The following SSH2 variants were observed in gnomAD, a reference collection of about 807,000 sequenced individuals.
SSH2 encodes protein phosphatase Slingshot homolog 2.
Under a neutral mutation model 135.2 loss-of-function variants are expected in SSH2, and 37 were observed. That is an observed-to-expected ratio of 0.27 (90% CI 0.21 to 0.36). The LOEUF is 0.36. SSH2 is among the 10% of genes least tolerant of loss of function. The probability of loss-of-function intolerance (pLI) is 1.00; values close to 1 mark genes in which losing one functional copy is unlikely to be tolerated. For missense variants in SSH2, 1,408 were observed against 1,765.3 expected, an observed-to-expected ratio of 0.80 and a Z score of 3.63; for synonymous variants, 628 against 646.2, an observed-to-expected ratio of 0.97 and a Z score of 0.43.
chr17:29,905,687 C>T (rs570284130), intron 1 of SSH2, among the ~76,000 whole-genome samples: 1 of 152,226 alleles, frequency 6.6e-6, no homozygotes, highest in East Asian at 1.9e-4. Context: ...GGGGCGGGTC[C>T]CTGGTAAGGT....
intron 3 of SSH2, among the ~76,000 whole-genome samples, chr17:29,740,515 TAAAG>T (rs955907275): frequency 6.6e-6 from 1 of 152,060 alleles, no homozygotes; most frequent in Non-Finnish European, 1.5e-5. Flanking sequence ...TGGTGACATT[TAAAG>T]AAAGAGCCTT....
intron 1 of SSH2, among the ~76,000 whole-genome samples, chr17:29,876,388 G>A (rs962340269): frequency 2.0e-5 from 3 of 152,058 alleles, no homozygotes; most frequent in Admixed American, 6.5e-5. Context: ...AACAAAATTG[G>A]ATTATTAGAT....
intron 9 of SSH2, among the ~76,000 whole-genome samples, chr17:29,668,031 T>C (rs563248418): frequency 8.4e-4 from 128 of 152,302 alleles, no homozygotes; most frequent in Non-Finnish European, 1.7e-3. Flanking sequence ...TATGCAGAAT[T>C]TGAATGAGGT....
chr17:29,806,718 C>T (rs1378939557), intron 2 of SSH2, among the ~76,000 whole-genome samples: 3 of 152,166 alleles, frequency 2.0e-5, no homozygotes, highest in East Asian at 3.9e-4. Flanking sequence ...ATGGCTATAC[C>T]ATACTAGTTG....
At chr17:29,637,517 C>T (rs755047072) in intron 14 of SSH2, among the ~76,000 whole-genome samples, 13 of 152,166 alleles carry the variant, frequency 8.5e-5, no homozygotes, top group Non-Finnish European at 1.5e-4. Flanking sequence ...AGGTGGCTCA[C>T]GCCTGTAATC....
At chr17:29,736,545 T>C (rs2040370121) in intron 3 of SSH2, among the ~76,000 whole-genome samples, 1 of 152,176 alleles carries the variant, frequency 6.6e-6, no homozygotes. Flanking sequence ...CCCAACACTT[T>C]GGGAGGCCAA....
At position 29,671,959 on chromosome 17, in the gene SSH2, T is replaced by G; in HGVS notation, c.785A>C (p.Asp262Ala). 1.2e-6 allele frequency: 2 copies of G among 1,613,342 alleles called. No homozygotes were observed. The highest frequency in any genetic ancestry group is 8.5e-7 in the Non-Finnish European group (1 of 1,179,540). Residue 262 changes from aspartate (D) to alanine (A), a missense_variant, in exon 9 of 16, where the codon GAC (aspartate) becomes GCC (alanine). Around this residue, in one of 3 missense-constraint regions of SSH2, gnomAD observed 222 missense variants for 355.6 expected, o/e 0.62. Transcript: ENST00000540801. The stretch of plus-strand genomic sequence containing the variant: ...CATGTCGGTGAAGAGAGCTGGAGAG[T>G]CGGGCCGGTGGGACTGTACATCTTG... Reference protein sequence around the residue: ...AMQDVQSHRPDSPALFTDIPT... With the variant: ...AMQDVQSHRPASPALFTDIPT...
intron 6 of SSH2, among the ~76,000 whole-genome samples, chr17:29,682,203 G>A (rs1412893662): frequency 2.6e-5 from 4 of 152,162 alleles, no homozygotes; most frequent in Non-Finnish European, 5.9e-5. Context: ...TGGGTCAGGA[G>A]AATCTGCAGT....
At chr17:29,680,741 A>T (rs2037944667) in intron 6 of SSH2, among the ~76,000 whole-genome samples, 1 of 151,818 alleles carries the variant, frequency 6.6e-6, no homozygotes, top group Non-Finnish European at 1.5e-5. Context: ...GCGCACAAAA[A>T]AATTTGTTTT....
intron 3 of SSH2, among the ~76,000 whole-genome samples, chr17:29,753,995 G>A (rs187929007): frequency 2.0e-5 from 3 of 152,292 alleles, no homozygotes; most frequent in African/African-American, 7.2e-5. Flanking sequence ...TGGATTCAGA[G>A]ACAAGAAATG....
intron 1 of SSH2, among the ~76,000 whole-genome samples, chr17:29,866,882 G>A (rs968029420): frequency 6.6e-6 from 1 of 151,868 alleles, no homozygotes; most frequent in East Asian, 1.9e-4. Context: ...GCCCAGGCTG[G>A]AGTGCAGTAG....
intron 2 of SSH2, among the ~76,000 whole-genome samples, chr17:29,818,249 CTTT>C (rs1230051948): frequency 1.5e-5 from 2 of 134,022 alleles, no homozygotes; most frequent in Non-Finnish European, 3.3e-5. Context: ...GGTATTCTTC[CTTT>C]TTTTTTTTTT....
intron 2 of SSH2, among the ~76,000 whole-genome samples, chr17:29,804,946 G>A (rs1265744170): frequency 3.4e-5 from 5 of 145,914 alleles, no homozygotes; most frequent in African/African-American, 7.6e-5. Flanking sequence ...CTCCCACCTC[G>A]GCCTGCCAAA....
rs2036709283 is a variant in SSH2, at chr17:29,654,615, A to G, written c.1079+946T>C. 2.0e-5 allele frequency among the ~76,000 whole-genome samples: 3 copies of G among 152,198 alleles called. No homozygotes were observed. In the South Asian group the frequency reaches 6.2e-4, roughly 31 times the overall value. ...TATTTTCTCTTTTCTTATTGGGATT[A>G]GCTGACCTCCTAAAGTGAATGAACT... On this transcript the variant is annotated intron_variant, in intron 12 of 15. Transcript: ENST00000540801.
chr17:29,818,330 G>A (rs1368010562), intron 2 of SSH2, among the ~76,000 whole-genome samples: 1 of 150,590 alleles, frequency 6.6e-6, no homozygotes, highest in African/African-American at 2.4e-5. Context: ...CTCACTGCAA[G>A]CTCCGCCTCC....
chr17:29,788,560 C>A (rs1002530391), intron 3 of SSH2, among the ~76,000 whole-genome samples: 4 of 151,966 alleles, frequency 2.6e-5, no homozygotes, highest in Admixed American at 1.3e-4. Flanking sequence ...GAATCAATTT[C>A]TTTCTTTTCT....
At chr17:29,668,871 G>C (rs1334625447) in intron 9 of SSH2, among the ~76,000 whole-genome samples, 1 of 152,120 alleles carries the variant, frequency 6.6e-6, no homozygotes, top group African/African-American at 2.4e-5. Flanking sequence ...AAAGACCTAG[G>C]TTTTAATCCC....
chr17:29,888,545 A>C (rs1055519873), intron 1 of SSH2, among the ~76,000 whole-genome samples: 5 of 152,094 alleles, frequency 3.3e-5, no homozygotes, highest in Admixed American at 2.6e-4. Flanking sequence ...TAAAGCAAAA[A>C]CCTAGTAATT....
chr17:29,736,712 G>A lies in SSH2; in HGVS notation c.189-33650C>T, dbSNP rs191026183. 4.1e-3 allele frequency among the ~76,000 whole-genome samples: 589 copies of A among 145,368 alleles called. 4 individuals carry two copies. The highest frequency in any genetic ancestry group is 0.014 in the African/African-American group (540 of 39,020). ...TGAGGCAGGAGACTTGCTTTAACCC[G>A]GGAGGCGGAGGTTGCAGTGAGCCAA... is the stretch of plus-strand genomic sequence containing the variant. On this transcript the variant is annotated intron_variant, in intron 3 of 15. Coordinates refer to ENST00000540801, the MANE Select transcript of SSH2 (RefSeq NM_001282129.2).
Sources: allele counts gnomAD v4.1 joint callset (sites outside exome capture counted in the v4.1 genomes callset), GRCh38; gene constraint gnomAD v4.1.1; regional missense constraint gnomAD v4.1.1; transcripts MANE v1.5; gene names NCBI Gene and HGNC (gene_info 2026-07-23, HGNC 2026-07-21).